The following MMRN2 variants were observed in gnomAD, a reference collection of about 807,000 sequenced individuals.
MMRN2 encodes the protein multimerin 2.
MMRN2 carries 53 observed loss-of-function variants against 68.8 expected under a neutral mutation model. The ratio of observed to expected loss-of-function variants is 0.77; its 90% CI spans 0.62 to 0.97. The LOEUF (loss-of-function observed/expected upper bound fraction) is 0.97, where lower values mean the gene tolerates loss of function less well. Among genes scored for constraint, MMRN2 ranks in the 50% least tolerant of loss-of-function variants. The pLI, the probability that MMRN2 is intolerant of heterozygous loss-of-function variation, is 0.00. For synonymous variants in MMRN2, 564 were observed against 551.6 expected (o/e 1.02, Z -0.32); for missense variants, 1,266 against 1,259.5 (o/e 1.01, Z -0.08).
chr10:86,956,219 C>T lies in MMRN2; in HGVS notation c.164+1159G>A, dbSNP rs562433866. 2.9e-3 allele frequency among the ~76,000 whole-genome samples: 436 copies of T among 149,592 alleles called. 1 individual carries two copies. The highest frequency in any genetic ancestry group is 6.9e-3 in the Middle Eastern group (2 of 288). On this transcript the variant is annotated intron_variant, in intron 1 of 6. Transcript: ENST00000372027. ...AGCCCTGAGCAGAGTTGGGGGCAGG[C>T]GGGAATGAGGTTTCTCCATGGCCAA... is the stretch of plus-strand genomic sequence containing the variant.
At chr10:86,946,629 G>A (rs1380401071) in intron 1 of MMRN2, among the ~76,000 whole-genome samples, 1 of 152,202 alleles carries the variant, frequency 6.6e-6, no homozygotes. Context: ...CACAGACCCA[G>A]TGGCTGACTC....
At chr10:86,945,762 C>A (rs767650017) in intron 1 of MMRN2, 73 bp from the exon 2 acceptor site, 1 of 1,604,448 alleles carries the variant, frequency 6.2e-7, no homozygotes, top group Admixed American at 1.7e-5. Context: ...GCAGAGCCAC[C>A]GGTCCTCGCC....
Position 86,942,913 on chromosome 10 carries a change from T to G in MMRN2, c.1871A>C (p.Glu624Ala). ...FGEEVLEEMS[E>A]QTPGPLPLSY... is the part of the protein sequence containing the mutation. The stretch of plus-strand genomic sequence containing the variant: ...CAGGGGCAGCGGTCCCGGCGTCTGC[T>G]CAGACATCTCCTCCAGCACCTCCTC... The change falls in exon 6 of 7, where the codon GAG becomes GCG. Residue 624 changes from glutamate to alanine, a missense_variant. By Grantham distance (107) the Glu-to-Ala change is moderately radical. Transcript: ENST00000372027. 6.7e-7 allele frequency: 1 copy of G among 1,490,176 alleles called. No homozygotes were observed. The highest frequency in any genetic ancestry group is 8.9e-7 in the Non-Finnish European group (1 of 1,120,572). The allele number at this position is 1,490,176 out of a possible 1,614,324, so 92.3% of individuals were successfully genotyped here. A position where few individuals can be genotyped will look rare whatever the true frequency, so the allele number is the denominator to read the frequency against.
intron 6 of MMRN2, among the ~76,000 whole-genome samples, chr10:86,940,017 ATTT>A (rs34638842): frequency 7.2e-6 from 1 of 138,234 alleles, no homozygotes; most frequent in Non-Finnish European, 1.5e-5. Context: ...CACCGGGCTA[ATTT>A]TTTTTTTTTT....
In MMRN2 at chr10:86,944,162, C is replaced by A. The variant is rs199780606; in HGVS notation, c.656-34G>T. The A allele has an allele frequency of 6.2e-6, 10 of 1,600,798 alleles. No individual in the cohort carries two copies. The South Asian group carries it at 1.1e-4, about 18-fold the overall frequency. On this transcript the variant is annotated intron_variant, in intron 5 of 6. Coordinates refer to ENST00000372027, the MANE Select transcript of MMRN2 (RefSeq NM_024756.3). ...GACATGTGGTGTGACACAAGCCCTGCAGGAGCAGACACTCCTCCCAGGCTG... is the reference window on the plus strand; with the variant it reads ...GACATGTGGTGTGACACAAGCCCTGAAGGAGCAGACACTCCTCCCAGGCTG...
intron 1 of MMRN2, among the ~76,000 whole-genome samples, chr10:86,947,358 G>A (rs561889557): frequency 3.9e-5 from 6 of 152,050 alleles, no homozygotes; most frequent in Admixed American, 6.5e-5. Context: ...AGGCAGGGGC[G>A]GGGGATTCGA....
chr10:86,945,718 C>T lies in MMRN2; in HGVS notation c.165-29G>A, dbSNP rs1354693367. 2.5e-6 allele frequency: 4 copies of T among 1,613,332 alleles called. No homozygotes were observed. In the South Asian group the frequency reaches 3.3e-5, roughly 13 times the overall value. ...GAAAACAAGCCAGAGGAGAAGGCTG[C>T]TGAGCCACACCCAGGTCAACAGGGG... On this transcript the variant is annotated intron_variant, in intron 1 of 6. Transcript: ENST00000372027.
intron 1 of MMRN2, among the ~76,000 whole-genome samples, chr10:86,955,169 T>C (rs1199833004): frequency 1.3e-5 from 2 of 152,110 alleles, no homozygotes; most frequent in South Asian, 2.1e-4. Context: ...CAAGCTATCA[T>C]AGCAATGTGA....
At position 86,942,451 on chromosome 10, in the gene MMRN2, C is replaced by A. The variant is rs766614723; in HGVS notation, c.2333G>T (p.Ser778Ile). The A allele has an allele frequency of 2.5e-5, 41 of 1,614,194 alleles. No individual in the cohort carries two copies. Among genetic ancestry groups the A allele is most frequent in the Non-Finnish European group, 3.3e-5 (39 of 1,180,032 alleles). The change falls in exon 6 of 7, where the codon AGC (serine) becomes ATC (isoleucine). Residue 778 changes from serine (S) to isoleucine (I), a missense_variant. By Grantham distance (142) the Ser-to-Ile change is moderately radical. Transcript: ENST00000372027. ...LDLGKLQTML[S>I]RKGKKQQKDL... is the part of the protein sequence containing the mutation. ...TTTCTGCTGCTTCTTCCCTTTCCTG[C>A]TCAGCATGGTCTGCAGCTTCCCCAG...
chr10:86,945,151 C>T lies in MMRN2; in HGVS notation c.481+37G>A, dbSNP rs1844046698. On this transcript the variant is annotated intron_variant, in intron 4 of 6. Coordinates refer to ENST00000372027, the MANE Select transcript of MMRN2 (RefSeq NM_024756.3). The stretch of plus-strand genomic sequence containing the variant: ...GGCCAGCTGGCTACATGGGCCCCAC[C>T]AGCCTGCCTGCCTTCCCCTTCCGGA... 1.9e-6 allele frequency: 3 copies of T among 1,596,280 alleles called. No individual in the cohort carries two copies. In the South Asian group the frequency reaches 3.3e-5, roughly 18 times the overall value.
intron 6 of MMRN2, among the ~76,000 whole-genome samples, chr10:86,939,461 C>CAAAAAAAAAAAAAAAAAAAAAAAAAAAAA (rs34692290): frequency 1.3e-5 from 1 of 74,576 alleles, no homozygotes; most frequent in Non-Finnish European, 2.4e-5. Flanking sequence ...GACTCCGTCT[C>CAAAAAAAAAAAAAAAAAAAAAAAAAAAAA]AAAAAAAAAA....
chr10:86,941,996 C>T (rs562593228), intron 6 of MMRN2, among the ~76,000 whole-genome samples: 2 of 152,166 alleles, frequency 1.3e-5, no homozygotes, highest in South Asian at 4.1e-4. Context: ...TTGAAGGCTG[C>T]CCTGGCAGGG....
Position 86,955,548 on chromosome 10 carries a change from G to C in MMRN2, c.164+1830C>G, listed in dbSNP as rs151034506. On this transcript the variant is annotated intron_variant, in intron 1 of 6. Coordinates refer to ENST00000372027, the MANE Select transcript of MMRN2 (RefSeq NM_024756.3). Reference sequence around the variant, plus strand: ...GTGGCAAAGGCAGGGCAGAATGCCTGGCCCTGGCAGCCGAGCCTCCTTGTG... The same window carrying C: ...GTGGCAAAGGCAGGGCAGAATGCCTCGCCCTGGCAGCCGAGCCTCCTTGTG... Among the ~76,000 whole-genome samples, 7 of 152,344 alleles carry C rather than the reference G, an allele frequency of 4.6e-5. No homozygotes were observed. The East Asian group carries it at 1.4e-3, about 29-fold the overall frequency.
At chr10:86,948,738 G>C (rs1844105737) in intron 1 of MMRN2, 1 of 152,184 alleles carries the variant, frequency 6.6e-6, no homozygotes, top group Admixed American at 6.5e-5. Flanking sequence ...AGGATCACTT[G>C]AGCTCAGGAG....
chr10:86,939,807 GT>G (rs1843938517), intron 6 of MMRN2, among the ~76,000 whole-genome samples: 40 of 24,886 alleles, frequency 1.6e-3, no homozygotes, highest in Middle Eastern at 0.025. Flanking sequence ...GAAATTTGGG[GT>G]GTGTGTGTGT....
Position 86,936,848 on chromosome 10 carries a change from C to G in MMRN2, c.2745G>C (p.Glu915Asp), listed in dbSNP as rs568385595. The G allele has an allele frequency of 4.3e-6, 7 of 1,614,234 alleles. No homozygotes were observed. The African/African-American group carries it at 5.3e-5, about 12-fold the overall frequency. The change falls in exon 7 of 7, where the codon GAG (glutamate) becomes GAC (aspartate). Residue 915 changes from glutamate (E) to aspartate (D), a missense_variant. Coordinates refer to ENST00000372027, the MANE Select transcript of MMRN2 (RefSeq NM_024756.3). ...ACCATACTCGCTCACCCTTCTGCAG[C>G]TCAGCCATGGCAAAGACCGTTGCTG... ...GSTATVFAMA[E>D]LQKGERVWFE...
intron 6 of MMRN2, among the ~76,000 whole-genome samples, chr10:86,939,134 C>A (rs1843919608): frequency 7.5e-6 from 1 of 133,288 alleles, no homozygotes; most frequent in Admixed American, 8.4e-5. Flanking sequence ...TGCACTCCAG[C>A]CTGGGCAACG....
intron 1 of MMRN2, among the ~76,000 whole-genome samples, chr10:86,951,170 G>T (rs989075041): frequency 6.6e-5 from 10 of 152,314 alleles, no homozygotes; most frequent in Non-Finnish European, 1.3e-4. Flanking sequence ...AAATGCAAAA[G>T]AATCACCTGC....
At chr10:86,940,626 A>C (rs1031365034) in intron 6 of MMRN2, among the ~76,000 whole-genome samples, 8 of 152,252 alleles carry the variant, frequency 5.3e-5, no homozygotes, top group African/African-American at 1.7e-4. Flanking sequence ...AGAAACAGAC[A>C]AGTGATGCCA....
Sources: allele counts gnomAD v4.1 joint callset (sites outside exome capture counted in the v4.1 genomes callset), GRCh38; gene constraint gnomAD v4.1.1; transcripts MANE v1.5; gene names NCBI Gene and HGNC (gene_info 2026-07-23, HGNC 2026-07-21).